SORCS2: variants seen among roughly 807,000 people sequenced by gnomAD.
The protein encoded by SORCS2 is VPS10 domain-containing receptor SorCS2.
SORCS2 carries 100 observed loss-of-function variants against 141.6 expected under a neutral mutation model. The observed-to-expected ratio is 0.71, with a 90% CI of 0.60 to 0.83. SORCS2 has a LOEUF of 0.83. Ranked by LOEUF, SORCS2 falls within the 40% of genes least tolerant of loss-of-function variation. The pLI is 0.00. For synonymous variants in SORCS2, 789 were observed against 676.9 expected, an observed-to-expected ratio of 1.17 and a Z score of -2.57; for missense variants, 1,646 against 1,560.2, an observed-to-expected ratio of 1.05 and a Z score of -0.93.
Position 7,724,769 on chromosome 4 carries a change from ATGG to A in SORCS2, c.2612-379_2612-377del, listed in dbSNP as rs1334730237. Among the ~76,000 whole-genome samples the A allele has an allele frequency of 2.0e-3, 20 of 9,878 alleles. 1 individual carries two copies. Among genetic ancestry groups the A allele is most frequent in the East Asian group, 4.4e-3 (1 of 228 alleles). 6.5% of individuals were successfully genotyped at this position (9,878 alleles called of 152,430 possible). On this transcript the variant is annotated intron_variant, in intron 19 of 26. Transcript: ENST00000507866. The stretch of plus-strand genomic sequence containing the variant: ...GGTGATGGTGGTGGTGTTGGTGATG[ATGG>A]TGGTGATGGTGCTGGTGAGGATGGT...
chr4:7,702,143 G>A (rs1725126397), intron 12 of SORCS2, among the ~76,000 whole-genome samples: 2 of 152,188 alleles, frequency 1.3e-5, no homozygotes, highest in South Asian at 4.1e-4. Flanking sequence ...GAGCGTGCTG[G>A]CCCTAGTGGG....
At chr4:7,646,945 T>C (rs572567434) in intron 4 of SORCS2, among the ~76,000 whole-genome samples, 175 of 152,244 alleles carry the variant, frequency 1.1e-3, no homozygotes, top group African/African-American at 3.9e-3. Context: ...GTGTGACTTA[T>C]GCTACACCAG....
rs562017676 is a variant in SORCS2, at chr4:7,193,985, T to C, written c.480+859T>C. Among the ~76,000 whole-genome samples the C allele has an allele frequency of 6.6e-6, 1 of 152,034 alleles. No individual in the cohort carries two copies. The highest frequency in any genetic ancestry group is 1.5e-5 in the Non-Finnish European group (1 of 67,984). On this transcript the variant is annotated intron_variant, in intron 1 of 26. Coordinates refer to ENST00000507866, the MANE Select transcript of SORCS2 (RefSeq NM_020777.3). The surrounding 1 kb of genome is among the most constrained non-coding windows in gnomAD (Gnocchi z 4.8). ...AGAGGGTCCCTTTAGATTATTCCCCTGGGGGCTGCCTCAACCTCACTCCCC... is the reference window on the plus strand; with the variant it reads ...AGAGGGTCCCTTTAGATTATTCCCCCGGGGGCTGCCTCAACCTCACTCCCC...
Position 7,236,448 on chromosome 4 carries a change from G to A in SORCS2, c.480+43322G>A, listed in dbSNP as rs137874358. 3.9e-3 allele frequency among the ~76,000 whole-genome samples: 596 copies of A among 152,250 alleles called. 3 individuals are homozygous for A. Among genetic ancestry groups the A allele is most frequent in the African/African-American group, 0.014 (581 of 41,538 alleles). On this transcript the variant is annotated intron_variant, in intron 1 of 26. Coordinates refer to ENST00000507866, the MANE Select transcript of SORCS2 (RefSeq NM_020777.3). ...TGAGGGGAGTCTGAGAGTCACGGGAGAAAAGACAGGAGGTGCTGGGGCAGG... is the reference window on the plus strand; with the variant it reads ...TGAGGGGAGTCTGAGAGTCACGGGAAAAAAGACAGGAGGTGCTGGGGCAGG...
At chr4:7,705,641 G>A (rs913481346) in intron 14 of SORCS2, among the ~76,000 whole-genome samples, 1 of 152,254 alleles carries the variant, frequency 6.6e-6, no homozygotes, top group Non-Finnish European at 1.5e-5. Flanking sequence ...TGTGGCAGGT[G>A]TGGATCTATG....
intron 1 of SORCS2, among the ~76,000 whole-genome samples, chr4:7,350,417 C>G (rs557942505): frequency 1.2e-4 from 18 of 152,350 alleles, no homozygotes; most frequent in African/African-American, 4.1e-4. Flanking sequence ...ACATAGACAG[C>G]TGGATCTAGG....
chr4:7,341,723 A>T (rs775771529), intron 1 of SORCS2, among the ~76,000 whole-genome samples: 1 of 152,180 alleles, frequency 6.6e-6, no homozygotes, highest in Admixed American at 6.5e-5. Context: ...CACAGCATAC[A>T]ATCGATCATT....
intron 1 of SORCS2, among the ~76,000 whole-genome samples, chr4:7,256,071 C>T (rs1197921038): frequency 1.3e-5 from 2 of 152,196 alleles, no homozygotes; most frequent in African/African-American, 4.8e-5. Flanking sequence ...CGTGCTGTCT[C>T]TCCAGGTCTC....
intron 23 of SORCS2, among the ~76,000 whole-genome samples, chr4:7,731,952 G>C (rs190116378): frequency 9.1e-4 from 138 of 152,314 alleles, no homozygotes; most frequent in African/African-American, 3.2e-3. Context: ...TAGACAAACA[G>C]GATGTCAAAC....
chr4:7,401,067 AT>A (rs1463200794), intron 2 of SORCS2, among the ~76,000 whole-genome samples: 1 of 152,144 alleles, frequency 6.6e-6, no homozygotes, highest in African/African-American at 2.4e-5. Context: ...GGATTGATGG[AT>A]GGATGAATGG....
chr4:7,707,982 T>G (rs1176031454), intron 14 of SORCS2, among the ~76,000 whole-genome samples: 2 of 152,210 alleles, frequency 1.3e-5, no homozygotes, highest in Non-Finnish European at 2.9e-5. Flanking sequence ...GACAGTGGAC[T>G]GCACACGCTG....
At chr4:7,282,970 TTCAC>T (rs1715980341) in intron 1 of SORCS2, among the ~76,000 whole-genome samples, 1 of 152,236 alleles carries the variant, frequency 6.6e-6, no homozygotes, top group African/African-American at 2.4e-5. Flanking sequence ...AATTCATTCA[TTCAC>T]TCATTCATTC....
chr4:7,507,864 A>C (rs1732372326), intron 2 of SORCS2, among the ~76,000 whole-genome samples: 1 of 152,208 alleles, frequency 6.6e-6, no homozygotes, highest in South Asian at 2.1e-4. Flanking sequence ...CCAAGACATA[A>C]AAATTTTAAA....
At chr4:7,666,218 T>C (rs956846232) in intron 7 of SORCS2, among the ~76,000 whole-genome samples, 1 of 152,066 alleles carries the variant, frequency 6.6e-6, no homozygotes, top group Non-Finnish European at 1.5e-5. Flanking sequence ...TCTTGGGGGT[T>C]TGAACGACGT....
At chr4:7,535,582 A>G (rs1560365189) in intron 3 of SORCS2, among the ~76,000 whole-genome samples, 2 of 152,236 alleles carry the variant, frequency 1.3e-5, no homozygotes, top group Non-Finnish European at 2.9e-5. Flanking sequence ...CTCCTTGTCA[A>G]GTGCTCAGAT....
chr4:7,244,921 G>A (rs976947735), intron 1 of SORCS2, among the ~76,000 whole-genome samples: 42 of 152,160 alleles, frequency 2.8e-4, no homozygotes, highest in African/African-American at 8.2e-4. Context: ...CCAGCCCGCC[G>A]CCCCTTCCTT....
intron 25 of SORCS2, among the ~76,000 whole-genome samples, chr4:7,735,618 C>T (rs1434596980): frequency 6.6e-6 from 1 of 152,164 alleles, no homozygotes; most frequent in African/African-American, 2.4e-5. Flanking sequence ...GTCTGTGGGG[C>T]AAAGAAGTAA....
intron 1 of SORCS2, among the ~76,000 whole-genome samples, chr4:7,325,980 G>A (rs945776312): frequency 1.3e-5 from 2 of 152,174 alleles, no homozygotes. Flanking sequence ...GGGCGTGGGA[G>A]TGAGCAGGGA....
intron 2 of SORCS2, among the ~76,000 whole-genome samples, chr4:7,449,580 G>A (rs1728311623): frequency 1.3e-5 from 2 of 151,548 alleles, no homozygotes; most frequent in South Asian, 4.2e-4. Flanking sequence ...CCAGGTTCAG[G>A]ATGCACCTGG....
Sources: allele counts gnomAD v4.1 joint callset (sites outside exome capture counted in the v4.1 genomes callset), GRCh38; gene constraint gnomAD v4.1.1; non-coding constraint Gnocchi (gnomAD v3.1); transcripts MANE v1.5; gene names NCBI Gene and HGNC (gene_info 2026-07-23, HGNC 2026-07-21).